Variants in PLEKHA7 observed in about 807,000 individuals in gnomAD.
PLEKHA7 encodes pleckstrin homology domain-containing family A member 7.
Under a neutral mutation model 170.0 loss-of-function variants are expected in PLEKHA7, and 104 were observed. That is an observed-to-expected ratio of 0.61 (90% confidence interval 0.52 to 0.72). PLEKHA7 has a LOEUF of 0.72. Among genes scored for constraint, PLEKHA7 ranks in the 30% least tolerant of loss-of-function variants. PLEKHA7 has a pLI of 0.00. For missense variants in PLEKHA7, 1,615 were observed against 1,671.7 expected (o/e 0.97, Z 0.59); for synonymous variants, 648 against 660.8 (o/e 0.98, Z 0.30).
chr11:16,957,502 G>T (rs1861768225), intron 3 of PLEKHA7, among the ~76,000 whole-genome samples: 2 of 152,098 alleles, frequency 1.3e-5, no homozygotes, highest in Non-Finnish European at 2.9e-5. Context: ...TAGATTGGTT[G>T]GTTTCCAGAA....
chr11:16,843,678 A>C (rs1413567032), intron 8 of PLEKHA7, among the ~76,000 whole-genome samples: 1 of 152,206 alleles, frequency 6.6e-6, no homozygotes, highest in Non-Finnish European at 1.5e-5. Flanking sequence ...AGGGGCTCAC[A>C]CCTGTAATCC....
intron 9 of PLEKHA7, among the ~76,000 whole-genome samples, chr11:16,836,285 C>A (rs1362993585): frequency 1.3e-5 from 2 of 152,216 alleles, no homozygotes; most frequent in Non-Finnish European, 1.5e-5. Context: ...GAGAATATGA[C>A]TTCTAGTGAT....
chr11:16,821,845 C>A (rs992387491), intron 10 of PLEKHA7, among the ~76,000 whole-genome samples: 2 of 152,140 alleles, frequency 1.3e-5, no homozygotes, highest in African/African-American at 4.8e-5. Flanking sequence ...GCCTTCAATT[C>A]TTCACTTTTA....
chr11:16,977,310 G>C (rs1863128929), intron 3 of PLEKHA7, among the ~76,000 whole-genome samples: 1 of 151,720 alleles, frequency 6.6e-6, no homozygotes, highest in Non-Finnish European at 1.5e-5. Flanking sequence ...TTCCAAACAG[G>C]CTCCCACTTC....
chr11:17,014,267 CCCCGCG>C, intron 1 of PLEKHA7, 43 bp downstream of exon 1: 1 of 1,397,514 alleles, frequency 7.2e-7, no homozygotes, highest in Non-Finnish European at 9.3e-7. Flanking sequence ...CGGCCCCCGC[CCCCGCG>C]CCCCCACCCG....
chr11:16,982,541 T>C (rs548207532), intron 3 of PLEKHA7, among the ~76,000 whole-genome samples: 23 of 152,302 alleles, frequency 1.5e-4, no homozygotes, highest in Middle Eastern at 6.8e-3. Flanking sequence ...TCAGGAACCC[T>C]AGACGAAAGC....
intron 4 of PLEKHA7, among the ~76,000 whole-genome samples, chr11:16,863,996 G>A (rs1854188752): frequency 6.6e-6 from 1 of 152,218 alleles, no homozygotes; most frequent in African/African-American, 2.4e-5. Flanking sequence ...AGTTATTACA[G>A]ATGAAATTTC....
intron 26 of PLEKHA7, among the ~76,000 whole-genome samples, chr11:16,782,260 C>T (rs138441672): frequency 1.3e-5 from 2 of 152,260 alleles, no homozygotes; most frequent in East Asian, 3.9e-4. Context: ...CTTTCTGGCA[C>T]AGTACACTGT....
At chr11:16,887,286 A>C (rs1856187564) in intron 3 of PLEKHA7, among the ~76,000 whole-genome samples, 1 of 138,452 alleles carries the variant, frequency 7.2e-6, no homozygotes, top group South Asian at 2.3e-4. Context: ...ATCTCTACTA[A>C]AAATATAAAC....
At position 16,801,779 on chromosome 11, in the gene PLEKHA7, C is replaced by G. The variant is rs1848612340; in HGVS notation, c.2196G>C (p.Gln732His). 6.2e-7 allele frequency: 1 copy of G among 1,614,184 alleles called. No homozygotes were observed. The highest frequency in any genetic ancestry group is 1.1e-5 in the South Asian group (1 of 91,088). ...GGGGCTGGTCTCGGTACTGCTCCATCTGTCTGTGCAACACCTCCAGCACAG... is the reference window on the plus strand; with the variant it reads ...GGGGCTGGTCTCGGTACTGCTCCATGTGTCTGTGCAACACCTCCAGCACAG... Reference protein sequence around the residue: ...LESVLEVLHRQMEQYRDQPQH... With the variant: ...LESVLEVLHRHMEQYRDQPQH... Residue 732 changes from glutamine to histidine, a missense_variant, in exon 16 of 27, where the codon CAG (glutamine) becomes CAC (histidine). Gln to His is a conservative substitution (Grantham distance 24, BLOSUM62 0). Coordinates refer to ENST00000531066, the MANE Select transcript of PLEKHA7 (RefSeq NM_001329630.2).
Position 16,810,136 on chromosome 11 carries a change from C to T in PLEKHA7, c.2007+2977G>A, listed in dbSNP as rs575254738. Among the ~76,000 whole-genome samples the T allele has an allele frequency of 1.4e-4, 21 of 152,326 alleles. No individual in the cohort carries two copies. In the South Asian group the frequency reaches 2.1e-3, roughly 15 times the overall value. On this transcript the variant is annotated intron_variant, in intron 13 of 26. Coordinates refer to ENST00000531066, the MANE Select transcript of PLEKHA7 (RefSeq NM_001329630.2). ...GTGGCTGAGCCCCGGGAATGGGGCC[C>T]CTGGCTACACGAATTAGTATATTCC...
chr11:16,889,420 A>AAT (rs1554964151), intron 3 of PLEKHA7, among the ~76,000 whole-genome samples: 2,468 of 74,514 alleles, frequency 0.033, 124 homozygotes, highest in Middle Eastern at 0.086. Flanking sequence ...AAAAAAAAAA[A>AAT]ATATATATAT....
intron 3 of PLEKHA7, among the ~76,000 whole-genome samples, chr11:16,938,316 A>G (rs1860450542): frequency 6.6e-6 from 1 of 152,062 alleles, no homozygotes; most frequent in African/African-American, 2.4e-5. Flanking sequence ...CAAATGGTGC[A>G]TTCTGTTTGA....
At chr11:16,845,361 A>G (rs149672128) in intron 8 of PLEKHA7, among the ~76,000 whole-genome samples, 1 of 151,980 alleles carries the variant, frequency 6.6e-6, no homozygotes, top group African/African-American at 2.4e-5. Context: ...TTGTTTTGTT[A>G]TGTTGTTTTG....
intron 3 of PLEKHA7, among the ~76,000 whole-genome samples, chr11:16,951,382 GACA>G (rs538532177): frequency 6.6e-6 from 1 of 152,194 alleles, no homozygotes; most frequent in Admixed American, 6.5e-5. Context: ...TGACGAAGAA[GACA>G]ACAACAATAA....
chr11:16,936,135 C>T (rs11024081), intron 3 of PLEKHA7, among the ~76,000 whole-genome samples: 1 of 152,030 alleles, frequency 6.6e-6, no homozygotes, highest in African/African-American at 2.4e-5. Context: ...GGCACAGTGG[C>T]TCATGCCTGT....
intron 13 of PLEKHA7, among the ~76,000 whole-genome samples, chr11:16,806,530 A>G (rs1327715413): frequency 6.6e-6 from 1 of 151,826 alleles, no homozygotes; most frequent in African/African-American, 2.4e-5. Context: ...ATCCCAACCC[A>G]CTTTCTCAGG....
chr11:16,810,625 A>C (rs939161321), intron 13 of PLEKHA7, among the ~76,000 whole-genome samples: 2 of 152,242 alleles, frequency 1.3e-5, no homozygotes, highest in South Asian at 4.1e-4. Flanking sequence ...GACAACTTCC[A>C]GAAAGTCCAA....
chr11:16,785,576 A>T (rs1024144821), intron 24 of PLEKHA7, among the ~76,000 whole-genome samples: 3 of 152,170 alleles, frequency 2.0e-5, no homozygotes, highest in African/African-American at 7.2e-5. Flanking sequence ...CGTCTTGAAG[A>T]CACTGAGTGT....
Sources: gnomAD v4.1 joint callset for allele counts (sites outside exome capture counted in the v4.1 genomes callset) on GRCh38, gnomAD v4.1.1 for gene constraint, MANE v1.5 for transcripts, NCBI Gene and HGNC (gene_info 2026-07-23, HGNC 2026-07-21) for gene names.